The following DISP1 variants were observed in gnomAD, a reference collection of about 807,000 sequenced individuals.
DISP1 encodes dispatched RND transporter family member 1, also known as protein dispatched homolog 1.
A neutral mutation model predicts 37.3 loss-of-function variants in DISP1; 30 were observed. The observed-to-expected ratio is 0.80, with a 90% confidence interval of 0.60 to 1.09. DISP1 has a LOEUF of 1.09. Among genes scored for constraint, DISP1 ranks in the 50% least tolerant of loss-of-function variants. DISP1 has a pLI of 0.00. For missense variants in DISP1, 1,598 were observed against 1,879.5 expected (o/e 0.85, Z 2.77); for synonymous variants, 634 against 690.2 (o/e 0.92, Z 1.28).
chr1:222,826,701 A>C (rs75980495), intron 1 of DISP1, among the ~76,000 whole-genome samples: 182 of 152,114 alleles, frequency 1.2e-3, no homozygotes, highest in African/African-American at 4.1e-3. Context: ...CACTTTAAGA[A>C]TTTTTTAATG....
At chr1:222,871,005 A>G (rs986502760) in intron 1 of DISP1, among the ~76,000 whole-genome samples, 8 of 152,204 alleles carry the variant, frequency 5.3e-5, no homozygotes, top group African/African-American at 1.9e-4. Context: ...AGCTTTCTAC[A>G]TATGGCTAGC....
intron 8 of DISP1, among the ~76,000 whole-genome samples, chr1:223,000,051 G>A (rs1679327772): frequency 6.6e-6 from 1 of 152,138 alleles, no homozygotes; most frequent in Non-Finnish European, 1.5e-5. Context: ...TATTTGAAAA[G>A]GTTATTCAAG....
intron 3 of DISP1, among the ~76,000 whole-genome samples, chr1:222,949,443 A>G (rs1675050275): frequency 6.6e-6 from 1 of 152,094 alleles, no homozygotes. Flanking sequence ...ATCACATTTA[A>G]TATGTCTATT....
Position 223,004,509 on chromosome 1 carries a change from G to A in DISP1, c.3112G>A (p.Glu1038Lys). 2 of 1,614,186 alleles carry A rather than the reference G, an allele frequency of 1.2e-6. No individual in the cohort carries two copies. Among genetic ancestry groups the A allele is most frequent in the Non-Finnish European group, 1.7e-6 (2 of 1,180,032 alleles). ...VLLGWELNVL[E>K]SVTISVAVGL... is the part of the protein sequence containing the mutation. ...GCTGGGCTGGGAGCTCAATGTGTTG[G>A]AATCTGTCACCATTTCGGTTGCCGT... The change falls in exon 9 of 9, where the codon GAA becomes AAA. Residue 1038 changes from glutamate to lysine, a missense_variant. Glu to Lys is a moderately conservative substitution (Grantham distance 56). Transcript: ENST00000675850. This position sits in a 1 kb window ranked among gnomAD's most constrained non-coding sequence, Gnocchi z 4.9.
chr1:222,829,680 G>A (rs1397545937), intron 1 of DISP1, among the ~76,000 whole-genome samples: 1 of 152,036 alleles, frequency 6.6e-6, no homozygotes, highest in African/African-American at 2.4e-5. Context: ...GACCTCAGGT[G>A]AGCCACCCAC....
chr1:222,985,905 C>T (rs573499654), intron 4 of DISP1, among the ~76,000 whole-genome samples: 385 of 152,118 alleles, frequency 2.5e-3, no homozygotes, highest in African/African-American at 9.0e-3. Context: ...TTCAATCACT[C>T]TTCTCACTAA....
chr1:222,886,638 T>C (rs753340243), intron 1 of DISP1, among the ~76,000 whole-genome samples: 3 of 152,182 alleles, frequency 2.0e-5, no homozygotes, highest in Non-Finnish European at 4.4e-5. Flanking sequence ...ATTCTGAAGG[T>C]ATAGGAAGCC....
chr1:222,931,203 G>A lies in DISP1; in HGVS notation c.-18+2633G>A, dbSNP rs1572536031. 3.3e-5 allele frequency among the ~76,000 whole-genome samples: 5 copies of A among 151,778 alleles called. No individual in the cohort carries two copies. In the East Asian group the frequency reaches 9.6e-4, roughly 29 times the overall value. On this transcript the variant is annotated intron_variant, in intron 2 of 8. Coordinates refer to ENST00000675850, the MANE Select transcript of DISP1 (RefSeq NM_001377229.1). Reference sequence around the variant, plus strand: ...TGATCTCAGTTTTTGGCTTTATGAAGGACATTTTTAAAATTCTCTCACATT... The same window carrying A: ...TGATCTCAGTTTTTGGCTTTATGAAAGACATTTTTAAAATTCTCTCACATT...
At chr1:222,867,858 T>C (rs1181511923) in intron 1 of DISP1, among the ~76,000 whole-genome samples, 4 of 152,344 alleles carry the variant, frequency 2.6e-5, no homozygotes, top group South Asian at 4.1e-4. Context: ...GCCTTAAGTA[T>C]AAAATTGGTT....
Position 223,003,040 on chromosome 1 carries a change from T to C in DISP1, c.1643T>C (p.Val548Ala). Residue 548 changes from valine (V) to alanine (A), a missense_variant, in exon 9 of 9, where the codon GTA (valine) becomes GCA (alanine). Coordinates refer to ENST00000675850, the MANE Select transcript of DISP1 (RefSeq NM_001377229.1). The surrounding 1 kb of genome is among the most constrained non-coding windows in gnomAD (Gnocchi z 4.3). ...ATTGTTTCCTATTTTCTCTATCGTG[T>C]AGTATTTCACTTCGAATTTTTTCCT... Reference protein sequence around the residue: ...SLIVSYFLYRVVFHFEFFPFM... With the variant: ...SLIVSYFLYRAVFHFEFFPFM... 1.2e-6 allele frequency: 2 copies of C among 1,614,162 alleles called. No individual in the cohort carries two copies. The highest frequency in any genetic ancestry group is 1.7e-6 in the Non-Finnish European group (2 of 1,180,036).
chr1:222,900,550 T>C (rs1438965947), intron 1 of DISP1, among the ~76,000 whole-genome samples: 1 of 152,196 alleles, frequency 6.6e-6, no homozygotes, highest in Non-Finnish European at 1.5e-5. Context: ...AATTATGATA[T>C]GGAAAAGTAA....
chr1:222,918,189 G>A (rs1161582914), intron 1 of DISP1, among the ~76,000 whole-genome samples: 1 of 152,160 alleles, frequency 6.6e-6, no homozygotes, highest in African/African-American at 2.4e-5. Context: ...TTTCAGGGGT[G>A]GGTCTCCAGA....
At chr1:222,920,737 A>G (rs1051141530) in intron 1 of DISP1, among the ~76,000 whole-genome samples, 19 of 152,298 alleles carry the variant, frequency 1.2e-4, no homozygotes, top group African/African-American at 4.3e-4. Context: ...CAGAAAAATG[A>G]AAAACTACGT....
intron 1 of DISP1, among the ~76,000 whole-genome samples, chr1:222,844,961 A>G (rs1036318155): frequency 6.6e-6 from 1 of 152,222 alleles, no homozygotes; most frequent in South Asian, 2.1e-4. Context: ...TTCAAACTCA[A>G]CATTTAGGGT....
At position 222,943,344 on chromosome 1, in the gene DISP1, G is replaced by A. The variant is rs147524774; in HGVS notation, c.509+12G>A. 2.3e-4 allele frequency: 364 copies of A among 1,614,210 alleles called. 4 individuals carry two copies. The African/African-American group carries it at 2.9e-3, about 13-fold the overall frequency. On this transcript the variant is annotated intron_variant, in intron 3 of 8. Coordinates refer to ENST00000675850, the MANE Select transcript of DISP1 (RefSeq NM_001377229.1). ...ATAGCCAACATAAGGTAAGTGATCC[G>A]AAAGTTTTGCTTTTAGCATTCAACT...
At chr1:222,822,559 A>C (rs532844336) in intron 1 of DISP1, among the ~76,000 whole-genome samples, 3 of 152,228 alleles carry the variant, frequency 2.0e-5, no homozygotes, top group Non-Finnish European at 2.9e-5. Flanking sequence ...ATAAACATTG[A>C]ATTTTCAATG....
intron 1 of DISP1, among the ~76,000 whole-genome samples, chr1:222,836,722 T>G (rs1259463602): frequency 6.7e-6 from 1 of 149,532 alleles, no homozygotes; most frequent in Non-Finnish European, 1.5e-5. Flanking sequence ...AATCATCCAG[T>G]TGAGCAAGAA....
At chr1:222,984,417 A>ATATATATATATAT (rs201043580) in intron 4 of DISP1, among the ~76,000 whole-genome samples, 54 of 76,388 alleles carry the variant, frequency 7.1e-4, no homozygotes, top group African/African-American at 2.4e-3. Flanking sequence ...AAAAAAAAAA[A>ATATATATATATAT]AAAAATATAT....
intron 3 of DISP1, among the ~76,000 whole-genome samples, chr1:222,969,158 G>A (rs762585412): frequency 5.3e-5 from 8 of 151,476 alleles, no homozygotes; most frequent in Non-Finnish European, 8.8e-5. Context: ...ATCATCTGAC[G>A]TCAGGAGTTC....
Sources: allele counts gnomAD v4.1 joint callset (sites outside exome capture counted in the v4.1 genomes callset), GRCh38; gene constraint gnomAD v4.1.1; non-coding constraint Gnocchi (gnomAD v3.1); transcripts MANE v1.5; gene names NCBI Gene and HGNC (gene_info 2026-07-23, HGNC 2026-07-21).